The following SPIDR variants were observed in gnomAD, a reference collection of about 807,000 sequenced individuals.
SPIDR encodes the protein scaffold protein involved in DNA repair.
Under a neutral mutation model 104.6 loss-of-function variants are expected in SPIDR, and 93 were observed. That is an observed-to-expected ratio of 0.89 (90% CI 0.75 to 1.06). The LOEUF (loss-of-function observed/expected upper bound fraction) is 1.06. Among genes scored for constraint, SPIDR ranks in the 50% least tolerant of loss-of-function variants. The pLI is 0.00. For missense variants in SPIDR, 1,154 were observed against 1,111.2 expected, an observed-to-expected ratio of 1.04 and a Z score of -0.55; for synonymous variants, 431 against 416.9, an observed-to-expected ratio of 1.03 and a Z score of -0.41.
Position 47,593,619 on chromosome 8 carries a change from T to C in SPIDR, c.1098-2192T>C, listed in dbSNP as rs1200387096. On this transcript the variant is annotated intron_variant, in intron 8 of 19. Coordinates refer to ENST00000297423, the MANE Select transcript of SPIDR (RefSeq NM_001080394.4). Reference sequence around the variant, plus strand: ...TTATGTTTTGAGACTCTGGATCTTATTGAAACCTCTTTTAGGTAGCTTCAT... The same window carrying C: ...TTATGTTTTGAGACTCTGGATCTTACTGAAACCTCTTTTAGGTAGCTTCAT... Among the ~76,000 whole-genome samples, 3 of 152,366 alleles carry C rather than the reference T, an allele frequency of 2.0e-5. No homozygotes were observed. The East Asian group carries it at 5.8e-4, about 29-fold the overall frequency.
chr8:47,388,349 C>T lies in SPIDR; in HGVS notation c.526-8027C>T, dbSNP rs560181592. On this transcript the variant is annotated intron_variant, in intron 5 of 19. Transcript: ENST00000297423. ...ATTTTCTCTATTTGGAGATATTTTT[C>T]AGGTAAATATCCTTTTGGTTGCAAA... 2.0e-3 allele frequency: 315 copies of T among 154,020 alleles called. 3 individuals are homozygous for T. The highest frequency in any genetic ancestry group is 6.9e-3 in the African/African-American group (285 of 41,530). 9.5% of individuals were successfully genotyped at this position (154,020 alleles called of 1,614,324 possible). A position where few individuals can be genotyped will look rare whatever the true frequency, so the allele number is the denominator to read the frequency against.
At chr8:47,369,259 A>C (rs1299791969) in intron 5 of SPIDR, among the ~76,000 whole-genome samples, 1 of 152,224 alleles carries the variant, frequency 6.6e-6, no homozygotes, top group Non-Finnish European at 1.5e-5. Flanking sequence ...TAAGAGAGGC[A>C]GCTTCTAACA....
At chr8:47,390,437 C>T (rs2060450004) in intron 5 of SPIDR, among the ~76,000 whole-genome samples, 1 of 151,822 alleles carries the variant, frequency 6.6e-6, no homozygotes, top group East Asian at 1.9e-4. Flanking sequence ...AATTAATGAT[C>T]TACAGCTGCT....
Position 47,701,977 on chromosome 8 carries a change from T to C in SPIDR, c.1939T>C (p.Cys647Arg). 6.2e-7 allele frequency: 1 copy of C among 1,614,006 alleles called. No homozygotes were observed. The highest frequency in any genetic ancestry group is 8.5e-7 in the Non-Finnish European group (1 of 1,180,012). Residue 647 changes from cysteine to arginine, a missense_variant, in exon 14 of 20, where the codon TGC becomes CGC. Transcript: ENST00000297423. Reference sequence around the variant, plus strand: ...CCAGATGAATGATCTTGGTACCCGTTGCAGTTTCTATGCCACGGTGATTTA... The same window carrying C: ...CCAGATGAATGATCTTGGTACCCGTCGCAGTTTCTATGCCACGGTGATTTA... ...ILQMNDLGTR[C>R]SFYATVIYQK...
intron 8 of SPIDR, among the ~76,000 whole-genome samples, chr8:47,514,095 A>G (rs2082764158): frequency 6.6e-6 from 1 of 152,176 alleles, no homozygotes; most frequent in African/African-American, 2.4e-5. Context: ...CCGTGAATCT[A>G]ATAATAACAA....
At chr8:47,355,694 T>G (rs1360227126) in intron 5 of SPIDR, among the ~76,000 whole-genome samples, 1 of 152,214 alleles carries the variant, frequency 6.6e-6, no homozygotes, top group Non-Finnish European at 1.5e-5. Context: ...TTAATCAGAG[T>G]CCAGTGAAGT....
chr8:47,373,287 C>T (rs180859440), intron 5 of SPIDR, among the ~76,000 whole-genome samples: 233 of 152,208 alleles, frequency 1.5e-3, no homozygotes, highest in African/African-American at 5.3e-3. Flanking sequence ...GAATTAGAGA[C>T]TATCATTGTG....
chr8:47,402,789 T>C (rs1320686816), intron 6 of SPIDR, among the ~76,000 whole-genome samples: 1 of 152,200 alleles, frequency 6.6e-6, no homozygotes, highest in Non-Finnish European at 1.5e-5. Flanking sequence ...GAGGAGCTGG[T>C]ACCATTACTT....
At chr8:47,691,304 A>C (rs1589233625) in intron 11 of SPIDR, among the ~76,000 whole-genome samples, 1 of 151,924 alleles carries the variant, frequency 6.6e-6, no homozygotes, top group East Asian at 1.9e-4. Flanking sequence ...AAAAAAAAAA[A>C]AAAAAAGAGA....
rs573149635 is a variant in SPIDR at position 47,642,199 on chromosome 8, G to A, written c.1545-31602G>A. ...AGCACTTTGGGAGGCCGAGGCAGGC[G>A]GATCACGAAGTAAGGAGATCAAGAC... On this transcript the variant is annotated intron_variant, in intron 10 of 19. Transcript: ENST00000297423. 2.9e-4 allele frequency among the ~76,000 whole-genome samples: 44 copies of A among 151,948 alleles called. No homozygotes were observed. In the South Asian group the frequency reaches 7.5e-3, roughly 26 times the overall value.
intron 8 of SPIDR, among the ~76,000 whole-genome samples, chr8:47,487,254 A>G (rs1388660439): frequency 6.6e-6 from 1 of 152,210 alleles, no homozygotes; most frequent in Admixed American, 6.5e-5. Context: ...AAAAGAGACA[A>G]AGTTGGCCAT....
chr8:47,276,121 A>G (rs1281539872), intron 1 of SPIDR, among the ~76,000 whole-genome samples: 3 of 152,328 alleles, frequency 2.0e-5, no homozygotes, highest in Admixed American at 2.0e-4. Context: ...TTGGCCTCCC[A>G]AAGTGCTGGG....
intron 6 of SPIDR, among the ~76,000 whole-genome samples, chr8:47,402,395 A>G (rs1317575151): frequency 6.6e-6 from 1 of 152,248 alleles, no homozygotes. Flanking sequence ...AACCCTTCAA[A>G]AAATCAGTGA....
chr8:47,442,006 C>G (rs782129027), intron 8 of SPIDR, among the ~76,000 whole-genome samples: 1 of 152,116 alleles, frequency 6.6e-6, no homozygotes, highest in Non-Finnish European at 1.5e-5. Context: ...TTTGCACATG[C>G]TAGTATTATA....
chr8:47,576,771 A>G (rs1230422669), intron 8 of SPIDR, among the ~76,000 whole-genome samples: 1 of 152,238 alleles, frequency 6.6e-6, no homozygotes, highest in African/African-American at 2.4e-5. Context: ...AATGGATCAA[A>G]TACCTTCATA....
At chr8:47,498,710 C>T (rs994391402) in intron 8 of SPIDR, among the ~76,000 whole-genome samples, 5 of 152,138 alleles carry the variant, frequency 3.3e-5, no homozygotes, top group African/African-American at 1.2e-4. Flanking sequence ...ACATTTGCCA[C>T]ACCAACTTAG....
intron 2 of SPIDR, among the ~76,000 whole-genome samples, chr8:47,280,486 G>A (rs893891546): frequency 4.9e-4 from 73 of 150,072 alleles, no homozygotes; most frequent in South Asian, 2.1e-3. Context: ...TCCGCCTCCC[G>A]GGTTCAAGCA....
intron 3 of SPIDR, among the ~76,000 whole-genome samples, chr8:47,288,535 C>T (rs970196156): frequency 2.6e-5 from 4 of 152,302 alleles, no homozygotes; most frequent in East Asian, 1.9e-4. Flanking sequence ...CCACCCACCT[C>T]GGCCTCCCGA....
chr8:47,388,839 G>A (rs888711202), intron 5 of SPIDR, among the ~76,000 whole-genome samples: 4 of 152,210 alleles, frequency 2.6e-5, no homozygotes, highest in Admixed American at 1.3e-4. Flanking sequence ...CTTTGGAAAC[G>A]GAGCCAGTAT....
Sources: gnomAD v4.1 joint callset for allele counts (sites outside exome capture counted in the v4.1 genomes callset) on GRCh38, gnomAD v4.1.1 for gene constraint, MANE v1.5 for transcripts, NCBI Gene and HGNC (gene_info 2026-07-23, HGNC 2026-07-21) for gene names.